The following PACRG variants were observed in gnomAD, a reference collection of about 807,000 sequenced individuals.
The protein encoded by PACRG is parkin coregulated.
Under a neutral mutation model 29.7 loss-of-function variants are expected in PACRG, and 29 were observed. That is an observed-to-expected ratio of 0.98 (90% CI 0.73 to 1.33). The LOEUF is 1.33. Ranked by LOEUF, PACRG falls within the 40% of genes most tolerant of loss-of-function variation. PACRG has a pLI of 0.00. For synonymous variants in PACRG, 116 were observed against 118.7 expected (o/e 0.98, Z 0.15); for missense variants, 279 against 316.2 (o/e 0.88, Z 0.89).
intron 4 of PACRG, among the ~76,000 whole-genome samples, chr6:163,204,213 A>G (rs949872146): frequency 3.3e-5 from 5 of 152,230 alleles, no homozygotes; most frequent in African/African-American, 9.6e-5. Flanking sequence ...AATGTGTGAC[A>G]TGGATTGTTA....
At chr6:162,773,494 A>ATTTTTTTTTTTTTTT (rs71008110) in intron 1 of PACRG, among the ~76,000 whole-genome samples, 1 of 65,998 alleles carries the variant, frequency 1.5e-5, no homozygotes, top group Middle Eastern at 0.016. Context: ...ACAGCTTGTC[A>ATTTTTTTTTTTTTTT]TTTTTTTTTT....
intron 2 of PACRG, among the ~76,000 whole-genome samples, chr6:162,975,274 G>T (rs754438973): frequency 2.5e-4 from 38 of 152,154 alleles, no homozygotes; most frequent in Non-Finnish European, 1.0e-4. Context: ...AATTATCATA[G>T]ACAGTACTAA....
At chr6:162,888,760 G>T (rs1336879161) in intron 2 of PACRG, among the ~76,000 whole-genome samples, 2 of 152,042 alleles carry the variant, frequency 1.3e-5, no homozygotes, top group Non-Finnish European at 2.9e-5. Context: ...CTCCCATTAG[G>T]CAACCTTCCT....
intron 4 of PACRG, among the ~76,000 whole-genome samples, chr6:163,091,086 C>T (rs1043544809): frequency 1.3e-5 from 2 of 152,188 alleles, no homozygotes; most frequent in East Asian, 3.8e-4. Context: ...TGCAACACTG[C>T]TTTAATGCTT....
intron 3 of PACRG, 136 bp downstream of exon 3, chr6:163,062,457 G>C: frequency 1.9e-6 from 2 of 1,035,948 alleles, no homozygotes; most frequent in South Asian, 1.9e-5. Context: ...GACTTAGGAG[G>C]CCAGACAACC....
At chr6:162,964,326 A>G (rs371133312) in intron 2 of PACRG, among the ~76,000 whole-genome samples, 17 of 152,222 alleles carry the variant, frequency 1.1e-4, no homozygotes, top group African/African-American at 3.6e-4. Context: ...ATCACAGAGT[A>G]AACTCTGATG....
intron 4 of PACRG, among the ~76,000 whole-genome samples, chr6:163,155,013 T>G (rs184351989): frequency 6.6e-6 from 1 of 152,218 alleles, no homozygotes; most frequent in East Asian, 1.9e-4. Flanking sequence ...ACATGACTTA[T>G]CCTTGGCCTC....
chr6:162,905,445 A>G (rs545623128), intron 2 of PACRG, among the ~76,000 whole-genome samples: 4 of 152,216 alleles, frequency 2.6e-5, no homozygotes, highest in Non-Finnish European at 5.9e-5. Flanking sequence ...CCAGACTGGC[A>G]GCATTTACAG....
intron 1 of PACRG, among the ~76,000 whole-genome samples, chr6:162,787,367 A>G (rs1444096966): frequency 2.0e-5 from 3 of 151,466 alleles, no homozygotes; most frequent in Non-Finnish European, 4.4e-5. Flanking sequence ...TAAGGTTCTA[A>G]TTTCTCCAAA....
chr6:162,956,841 G>T (rs912431464), intron 2 of PACRG, among the ~76,000 whole-genome samples: 1 of 152,146 alleles, frequency 6.6e-6, no homozygotes. Context: ...AGGCCCTGGG[G>T]GTTAAGAGTT....
At chr6:163,095,686 T>C (rs1273509520) in intron 4 of PACRG, among the ~76,000 whole-genome samples, 3 of 152,098 alleles carry the variant, frequency 2.0e-5, no homozygotes, top group Non-Finnish European at 4.4e-5. Flanking sequence ...ATGTGGCCTT[T>C]TTTCCTGTGC....
intron 2 of PACRG, among the ~76,000 whole-genome samples, chr6:163,026,207 A>T (rs1807118144): frequency 6.6e-6 from 1 of 152,226 alleles, no homozygotes; most frequent in African/African-American, 2.4e-5. Context: ...TATCTCACTG[A>T]AAGCCTTGTG....
At chr6:162,886,545 T>C (rs907653832) in intron 2 of PACRG, among the ~76,000 whole-genome samples, 15 of 152,332 alleles carry the variant, frequency 9.8e-5, no homozygotes, top group African/African-American at 3.6e-4. Flanking sequence ...CTCTCATTGA[T>C]GTGGCAGCAG....
chr6:162,955,742 G>A (rs928962810), intron 2 of PACRG, among the ~76,000 whole-genome samples: 1 of 152,182 alleles, frequency 6.6e-6, no homozygotes, highest in African/African-American at 2.4e-5. Flanking sequence ...TCTGATCCTA[G>A]TCAGCAGCAG....
chr6:162,973,754 G>A (rs545827666), intron 2 of PACRG, among the ~76,000 whole-genome samples: 90 of 148,196 alleles, frequency 6.1e-4, no homozygotes, highest in African/African-American at 2.1e-3. Context: ...CTTAAGAGTA[G>A]TGTGTGTGTA....
chr6:163,248,221 C>G (rs1294334542), intron 4 of PACRG, among the ~76,000 whole-genome samples: 1 of 152,118 alleles, frequency 6.6e-6, no homozygotes, highest in Non-Finnish European at 1.5e-5. Context: ...AATCATGTGC[C>G]CCGCAAGAAA....
chr6:162,995,276 G>C (rs1251004795), intron 2 of PACRG, among the ~76,000 whole-genome samples: 8 of 148,022 alleles, frequency 5.4e-5, no homozygotes, highest in South Asian at 2.2e-4. Flanking sequence ...CACCCAGTTC[G>C]AGCTTCCCGG....
chr6:163,148,321 T>C (rs948150580), intron 4 of PACRG, among the ~76,000 whole-genome samples: 1 of 152,226 alleles, frequency 6.6e-6, no homozygotes, highest in Non-Finnish European at 1.5e-5. Flanking sequence ...AGAATATTTT[T>C]ACATTTTTTT....
intron 2 of PACRG, among the ~76,000 whole-genome samples, chr6:162,988,607 A>T (rs1042767505): frequency 6.6e-6 from 1 of 152,196 alleles, no homozygotes; most frequent in Admixed American, 6.5e-5. Flanking sequence ...GGTAAATTTT[A>T]AAATGTTCAT....
Sources: gnomAD v4.1 joint callset for allele counts (sites outside exome capture counted in the v4.1 genomes callset) on GRCh38, gnomAD v4.1.1 for gene constraint, MANE v1.5 for transcripts, NCBI Gene and HGNC (gene_info 2026-07-23, HGNC 2026-07-21) for gene names.